ARB2A: variants seen among roughly 807,000 people sequenced by gnomAD.
The protein encoded by ARB2A is cotranscriptional regulator ARB2A.
chr5:94,015,450 C>T, the ARB2A span, among the ~76,000 whole-genome samples: 8 of 151,454 alleles, frequency 5.3e-5, no homozygotes, highest in Admixed American at 5.3e-4. Flanking sequence ...AAAAAGAAAA[C>T]ATTTGAAGGT....
At chr5:94,081,005 T>TA in the ARB2A span, among the ~76,000 whole-genome samples, 2 of 152,100 alleles carry the variant, frequency 1.3e-5, no homozygotes, top group African/African-American at 2.4e-5. Flanking sequence ...AACTCAATAA[T>TA]AAAAAAATTT....
chr5:93,639,812 C>A, the ARB2A span, among the ~76,000 whole-genome samples: 1 of 151,398 alleles, frequency 6.6e-6, no homozygotes, highest in South Asian at 2.1e-4. Flanking sequence ...TTTGGGAGGC[C>A]GAGGCAGGAG....
the ARB2A span, chr5:94,056,045 C>T: frequency 8.7e-4 from 469 of 537,400 alleles, no homozygotes; most frequent in African/African-American, 8.7e-3. Context: ...AGAAAATGAA[C>T]TCAGGTAAAA....
At chr5:93,911,619 CATT>C in the ARB2A span, among the ~76,000 whole-genome samples, 2 of 141,946 alleles carry the variant, frequency 1.4e-5, no homozygotes. Flanking sequence ...TTGTTTGTGG[CATT>C]AGTCACCACA....
At chr5:94,099,991 A>T in the ARB2A span, among the ~76,000 whole-genome samples, 1 of 152,164 alleles carries the variant, frequency 6.6e-6, no homozygotes. Flanking sequence ...GAAGAGAGGA[A>T]GTCAAATTAC....
the ARB2A span, among the ~76,000 whole-genome samples, chr5:93,854,078 A>G: frequency 6.6e-6 from 1 of 152,154 alleles, no homozygotes; most frequent in Admixed American, 6.5e-5. Context: ...CTCTGAATCC[A>G]TCTGGTCCTG....
chr5:93,683,142 T>C, the ARB2A span: 1 of 1,472,260 alleles, frequency 6.8e-7, no homozygotes, highest in Non-Finnish European at 9.4e-7. Flanking sequence ...ATAGATTTCT[T>C]CACTGGCGCT....
the ARB2A span, among the ~76,000 whole-genome samples, chr5:93,797,588 A>C: frequency 6.6e-6 from 1 of 152,164 alleles, no homozygotes; most frequent in Non-Finnish European, 1.5e-5. Context: ...TTAGAAAGTC[A>C]ATTATGTATC....
chr5:93,706,169 A>C, the ARB2A span, among the ~76,000 whole-genome samples: 2 of 152,264 alleles, frequency 1.3e-5, no homozygotes, highest in African/African-American at 4.8e-5. Context: ...ATGAATGAGC[A>C]AACTAAATGT....
chr5:94,051,543 C>A, the ARB2A span, among the ~76,000 whole-genome samples: 2 of 152,212 alleles, frequency 1.3e-5, no homozygotes. Context: ...AGGGAGAAGT[C>A]TGCAGCATCT....
chr5:94,109,089 T>C, the ARB2A span, among the ~76,000 whole-genome samples: 5 of 152,190 alleles, frequency 3.3e-5, no homozygotes, highest in African/African-American at 7.2e-5. Flanking sequence ...CAATGGATAA[T>C]TGTATTTCAC....
the ARB2A span, among the ~76,000 whole-genome samples, chr5:93,878,165 A>C: frequency 6.6e-6 from 1 of 152,044 alleles, no homozygotes; most frequent in African/African-American, 2.4e-5. Context: ...GGTTTGTTGG[A>C]ATGTTTCCTC....
chr5:94,035,287 C>T, the ARB2A span, among the ~76,000 whole-genome samples: 6 of 139,762 alleles, frequency 4.3e-5, no homozygotes, highest in Admixed American at 4.3e-4. Context: ...ACTAGGGAGT[C>T]AGTACTTCCA....
chr5:93,821,322 G>GT, the ARB2A span, among the ~76,000 whole-genome samples: 5 of 152,090 alleles, frequency 3.3e-5, no homozygotes, highest in Non-Finnish European at 7.4e-5. Context: ...GTTTGTGTGT[G>GT]TATGTGTGTG....
the ARB2A span, among the ~76,000 whole-genome samples, chr5:94,029,434 G>T: frequency 5.3e-5 from 8 of 152,166 alleles, no homozygotes; most frequent in African/African-American, 1.9e-4. Flanking sequence ...CTGTGTTCTA[G>T]ATTTGTCTAA....
the ARB2A span, among the ~76,000 whole-genome samples, chr5:93,818,821 T>C: frequency 3.9e-5 from 6 of 152,270 alleles, no homozygotes; most frequent in Admixed American, 1.3e-4. Flanking sequence ...ACTGATTAGG[T>C]AGAATTCCCA....
chr5:93,880,952 A>G, the ARB2A span, among the ~76,000 whole-genome samples: 1 of 151,730 alleles, frequency 6.6e-6, no homozygotes, highest in African/African-American at 2.4e-5. Context: ...AGGCTGAGAC[A>G]CTGTAGATAG....
At chr5:94,009,168 C>T in the ARB2A span, among the ~76,000 whole-genome samples, 3 of 152,016 alleles carry the variant, frequency 2.0e-5, no homozygotes, top group Non-Finnish European at 4.4e-5. Flanking sequence ...TGCATCTGCT[C>T]ACATTCAAAC....
the ARB2A span, among the ~76,000 whole-genome samples, chr5:93,716,001 A>G: frequency 1.3e-5 from 2 of 152,186 alleles, no homozygotes; most frequent in African/African-American, 2.4e-5. Flanking sequence ...TAGGTAACAC[A>G]TTAGCATTTC....
Sources: gnomAD v4.1 joint callset for allele counts (sites outside exome capture counted in the v4.1 genomes callset) on GRCh38, gnomAD v4.1.1 for gene constraint, MANE v1.5 for transcripts, NCBI Gene and HGNC (gene_info 2026-07-23, HGNC 2026-07-21) for gene names.